Variants in RELL1 observed in about 807,000 individuals in gnomAD.
RELL1 encodes RELT like 1.
In RELL1, 10 loss-of-function variants were observed where a neutral mutation model predicts 23.0. The observed-to-expected ratio is 0.43, with a 90% CI of 0.27 to 0.74. RELL1 has a LOEUF of 0.74. Among genes scored for constraint, RELL1 ranks in the 30% least tolerant of loss-of-function variants. The pLI is 0.19. For synonymous variants in RELL1, 146 were observed against 146.8 expected, an observed-to-expected ratio of 0.99 and a Z score of 0.04; for missense variants, 315 against 364.4, an observed-to-expected ratio of 0.86 and a Z score of 1.10.
In RELL1 at chr4:37,683,974, T is replaced by G. The variant is rs936995918; in HGVS notation, c.88+2226A>C. Among the ~76,000 whole-genome samples, 590 of 145,686 alleles carry G rather than the reference T, an allele frequency of 4.0e-3. 4 individuals are homozygous for G. Among genetic ancestry groups the G allele is most frequent in the African/African-American group, 0.014 (558 of 39,036 alleles). ...CGGGCGCCTGTAGTCCCAGCTACTC[T>G]GGAGGCTGAGGCAGGAGAATGGCGT... On this transcript the variant is annotated intron_variant, in intron 1 of 6. Coordinates refer to ENST00000454158, the MANE Select transcript of RELL1 (RefSeq NM_001085400.2).
chr4:37,684,049 C>G (rs1722318205), intron 1 of RELL1, among the ~76,000 whole-genome samples: 1 of 152,006 alleles, frequency 6.6e-6, no homozygotes, highest in African/African-American at 2.4e-5. Flanking sequence ...GCACTCCAGC[C>G]TGGGCGACAG....
At chr4:37,651,807 C>T (rs545253981) in intron 1 of RELL1, among the ~76,000 whole-genome samples, 1 of 152,196 alleles carries the variant, frequency 6.6e-6, no homozygotes, top group African/African-American at 2.4e-5. Flanking sequence ...ACCATTCCCC[C>T]GAGCCCCACA....
downstream of RELL1, among the ~76,000 whole-genome samples, chr4:37,608,259 C>A (rs1251111851): frequency 6.6e-6 from 1 of 152,112 alleles, no homozygotes; most frequent in Admixed American, 6.6e-5. Flanking sequence ...ATGCATCTCA[C>A]CTTAAATAAA....
intron 6 of RELL1, among the ~76,000 whole-genome samples, chr4:37,596,195 C>T (rs1460516164): frequency 1.3e-5 from 2 of 152,182 alleles, no homozygotes; most frequent in African/African-American, 4.8e-5. Context: ...AGTTCCTTAA[C>T]GTTTCTGAGC....
downstream of RELL1, among the ~76,000 whole-genome samples, chr4:37,589,124 T>C (rs1029005527): frequency 6.6e-6 from 1 of 152,216 alleles, no homozygotes; most frequent in Non-Finnish European, 1.5e-5. Flanking sequence ...GGGAACACCA[T>C]CATTTTCTGA....
At chr4:37,625,006 T>C (rs781166772) in intron 6 of RELL1, among the ~76,000 whole-genome samples, 2 of 152,204 alleles carry the variant, frequency 1.3e-5, no homozygotes, top group African/African-American at 2.4e-5. Flanking sequence ...ATATATCGTA[T>C]CATGTATGTC....
In RELL1 at chr4:37,611,056, A is replaced by C. The variant is rs1719358455; in HGVS notation, c.*2290T>G. Among the ~76,000 whole-genome samples the C allele has an allele frequency of 6.6e-6, 1 of 152,170 alleles. No homozygotes were observed. The highest frequency in any genetic ancestry group is 6.5e-5 in the Admixed American group (1 of 15,268). On this transcript the variant is annotated 3_prime_UTR_variant, in exon 7 of 7. Coordinates refer to ENST00000454158, the MANE Select transcript of RELL1 (RefSeq NM_001085400.2). ...TTTAAAACATACTCTTGGTATCAAT[A>C]CAGTTTTAAATATTTTTGAGTATTC...
intron 4 of RELL1, among the ~76,000 whole-genome samples, chr4:37,636,622 A>G (rs1355232167): frequency 6.6e-6 from 1 of 151,608 alleles, no homozygotes; most frequent in African/African-American, 2.4e-5. Context: ...GCAGAAATAC[A>G]TAGTCGAGAT....
chr4:37,652,570 G>C (rs1213106051), intron 1 of RELL1, among the ~76,000 whole-genome samples: 1 of 152,188 alleles, frequency 6.6e-6, no homozygotes, highest in Non-Finnish European at 1.5e-5. Flanking sequence ...CAGAATCACT[G>C]TCTGTTTCAA....
chr4:37,603,344 C>A (rs772428003), intron 6 of RELL1, among the ~76,000 whole-genome samples: 1 of 152,158 alleles, frequency 6.6e-6, no homozygotes, highest in African/African-American at 2.4e-5. Context: ...AGTGAGGGTA[C>A]CCTGGGGAGA....
chr4:37,634,047 A>T (rs1170135119), intron 5 of RELL1, among the ~76,000 whole-genome samples: 3 of 152,256 alleles, frequency 2.0e-5, no homozygotes. Context: ...TTCCAAATGC[A>T]ACATCGGCAA....
intron 6 of RELL1, among the ~76,000 whole-genome samples, chr4:37,622,073 T>A (rs896750761): frequency 2.0e-5 from 3 of 152,210 alleles, no homozygotes; most frequent in Non-Finnish European, 4.4e-5. Flanking sequence ...TAACTGTGTC[T>A]ACCATTTTCA....
intron 6 of RELL1, among the ~76,000 whole-genome samples, chr4:37,596,819 G>A (rs1403717695): frequency 6.7e-5 from 9 of 134,010 alleles, no homozygotes; most frequent in Non-Finnish European, 1.4e-4. Flanking sequence ...CACGATCTTG[G>A]CTCACTGCAA....
intron 1 of RELL1, among the ~76,000 whole-genome samples, chr4:37,654,653 T>C (rs1274256458): frequency 1.3e-5 from 2 of 152,210 alleles, no homozygotes; most frequent in African/African-American, 2.4e-5. Flanking sequence ...GGTTGTTGCA[T>C]TATTTATAAA....
chr4:37,597,883 T>G (rs1427059171), intron 6 of RELL1, among the ~76,000 whole-genome samples: 3 of 151,904 alleles, frequency 2.0e-5, no homozygotes, highest in African/African-American at 4.8e-5. Flanking sequence ...AAACCCTGTC[T>G]CTACTAAAAA....
In RELL1 at chr4:37,624,849, T is replaced by G. The variant is rs139958104; in HGVS notation, c.*3+6536A>C. ...TGAGAGTCCAAAGCTGTAATGTTCT[T>G]AAGATGTAAAAAGGAATTCACAGTA... On this transcript the variant is annotated intron_variant, in intron 6 of 6. Transcript: ENST00000454158. 7.5e-3 allele frequency among the ~76,000 whole-genome samples: 1,139 copies of G among 152,288 alleles called. 13 individuals carry two copies. Among genetic ancestry groups the G allele is most frequent in the African/African-American group, 0.026 (1,067 of 41,552 alleles).
chr4:37,652,755 T>G (rs1331884625), intron 1 of RELL1, among the ~76,000 whole-genome samples: 3 of 152,196 alleles, frequency 2.0e-5, no homozygotes, highest in African/African-American at 7.2e-5. Flanking sequence ...CAGAGCTCTG[T>G]GACTTACAAA....
At chr4:37,652,981 T>C (rs979543661) in intron 1 of RELL1, among the ~76,000 whole-genome samples, 1 of 152,214 alleles carries the variant, frequency 6.6e-6, no homozygotes, top group Non-Finnish European at 1.5e-5. Flanking sequence ...GTTTCCTCTC[T>C]GTTAAAAGGA....
rs1720746584 is a variant in RELL1, at chr4:37,647,395, T to C, written c.358A>G (p.Ile120Val). Reference protein sequence around the residue: ...VNENSDTVGQIVHYIMKNEAN... With the variant: ...VNENSDTVGQVVHYIMKNEAN... ...TCATTTTTCATGATGTAGTGGACGA[T>C]TTGCCCAACAGTGTCACTGTTTTCA... The change falls in exon 3 of 7, where the codon ATC (isoleucine) becomes GTC (valine). Residue 120 changes from isoleucine (I) to valine (V), a missense_variant. Ile to Val is a conservative substitution (Grantham distance 29). Coordinates refer to ENST00000454158, the MANE Select transcript of RELL1 (RefSeq NM_001085400.2). The C allele has an allele frequency of 6.2e-7, 1 of 1,613,344 alleles. No homozygotes were observed.
Sources: gnomAD v4.1 joint callset for allele counts (sites outside exome capture counted in the v4.1 genomes callset) on GRCh38, gnomAD v4.1.1 for gene constraint, MANE v1.5 for transcripts, NCBI Gene and HGNC (gene_info 2026-07-23, HGNC 2026-07-21) for gene names.